TRAPPC9: variants seen among roughly 807,000 people sequenced by gnomAD.
TRAPPC9 encodes IKK2 binding protein.
TRAPPC9 carries 83 observed loss-of-function variants against 124.0 expected under a neutral mutation model. The observed-to-expected ratio is 0.67, with a 90% CI of 0.56 to 0.80. TRAPPC9 has a LOEUF of 0.80. TRAPPC9 is among the 30% of genes least tolerant of loss of function. TRAPPC9 has a pLI of 0.00. For missense variants in TRAPPC9, 1,302 were observed against 1,508.3 expected, an observed-to-expected ratio of 0.86 and a Z score of 2.27; for synonymous variants, 638 against 617.5, an observed-to-expected ratio of 1.03 and a Z score of -0.49.
At chr8:139,882,961 G>A (rs1333989313) in intron 21 of TRAPPC9, among the ~76,000 whole-genome samples, 1 of 152,180 alleles carries the variant, frequency 6.6e-6, no homozygotes, top group African/African-American at 2.4e-5. Flanking sequence ...ATGAAAAAAG[G>A]GTGCTACGGA....
At chr8:140,188,930 T>C (rs952745823) in intron 17 of TRAPPC9, among the ~76,000 whole-genome samples, 1 of 152,140 alleles carries the variant, frequency 6.6e-6, no homozygotes, top group Non-Finnish European at 1.5e-5. Context: ...GGCAGCCCTG[T>C]AACTTCCCAA....
At chr8:140,108,555 G>T (rs188881192) in intron 17 of TRAPPC9, among the ~76,000 whole-genome samples, 1 of 152,054 alleles carries the variant, frequency 6.6e-6, no homozygotes, top group Non-Finnish European at 1.5e-5. Context: ...CGACATCTAC[G>T]CCTACCCTCA....
At position 139,830,396 on chromosome 8, in the gene TRAPPC9, C is replaced by T. The variant is rs530964196; in HGVS notation, c.3055+55483G>A. 1.6e-4 allele frequency among the ~76,000 whole-genome samples: 24 copies of T among 151,956 alleles called. 1 individual carries two copies. The highest frequency in any genetic ancestry group is 1.1e-3 in the Admixed American group (17 of 15,278). On this transcript the variant is annotated intron_variant, in intron 21 of 22. Coordinates refer to ENST00000438773, the MANE Select transcript of TRAPPC9 (RefSeq NM_001160372.4). ...ACATACACACACATGCATACACATG[C>T]AAATGAGCATACACCTGCAAATGAG...
At chr8:140,330,225 A>G (rs2066861135) in intron 9 of TRAPPC9, among the ~76,000 whole-genome samples, 1 of 151,946 alleles carries the variant, frequency 6.6e-6, no homozygotes, top group Admixed American at 6.6e-5. Context: ...CATCTTACAG[A>G]GCAAGAGAAA....
At chr8:139,852,211 C>T (rs572806556) in intron 21 of TRAPPC9, among the ~76,000 whole-genome samples, 4 of 152,190 alleles carry the variant, frequency 2.6e-5, no homozygotes, top group East Asian at 1.9e-4. Flanking sequence ...TGAGGCCTCC[C>T]CAACCACGTG....
chr8:140,312,494 A>G (rs2066323476), intron 9 of TRAPPC9, among the ~76,000 whole-genome samples: 1 of 152,206 alleles, frequency 6.6e-6, no homozygotes, highest in Non-Finnish European at 1.5e-5. Flanking sequence ...GCGATAATAC[A>G]TTAAAAAAGC....
At chr8:139,814,745 G>GA in intron 21 of TRAPPC9, among the ~76,000 whole-genome samples, 1 of 152,304 alleles carries the variant, frequency 6.6e-6, no homozygotes, top group South Asian at 2.1e-4. Flanking sequence ...GAAAGGAAAG[G>GA]AAGAAAAACA....
chr8:140,418,404 CTACAG>C, intron 5 of TRAPPC9, among the ~76,000 whole-genome samples: 1 of 152,142 alleles, frequency 6.6e-6, no homozygotes, highest in Non-Finnish European at 1.5e-5. Context: ...CAAAAGAAAA[CTACAG>C]ATCCACATTT....
At chr8:139,810,105 A>ATTT (rs1275430679) in intron 21 of TRAPPC9, among the ~76,000 whole-genome samples, 1 of 152,258 alleles carries the variant, frequency 6.6e-6, no homozygotes, top group Non-Finnish European at 1.5e-5. Context: ...AGAGAGACAG[A>ATTT]CAGTGCCAGA....
chr8:140,243,909 G>A (rs2063919707), intron 16 of TRAPPC9, among the ~76,000 whole-genome samples: 1 of 152,240 alleles, frequency 6.6e-6, no homozygotes, highest in Non-Finnish European at 1.5e-5. Context: ...GCAGGAGGTG[G>A]GTGGCAGCCT....
intron 16 of TRAPPC9, among the ~76,000 whole-genome samples, chr8:140,244,932 G>C (rs1026146337): frequency 2.0e-5 from 3 of 148,810 alleles, no homozygotes; most frequent in Non-Finnish European, 4.4e-5. Flanking sequence ...TCAGCCTCCC[G>C]AGTACCTGGG....
Position 139,825,850 on chromosome 8 carries a change from C to T in TRAPPC9, c.3055+60029G>A, listed in dbSNP as rs1586928198. 6.6e-6 allele frequency among the ~76,000 whole-genome samples: 1 copy of T among 152,170 alleles called. No individual in the cohort carries two copies. The highest frequency in any genetic ancestry group is 1.5e-5 in the Non-Finnish European group (1 of 68,018). ...CAACGCCCAAGGATTTCCAGGGCTT[C>T]CTCACCCATGGGTTCCTGAATCAGA... is the stretch of plus-strand genomic sequence containing the variant. On this transcript the variant is annotated intron_variant, in intron 21 of 22. Coordinates refer to ENST00000438773, the MANE Select transcript of TRAPPC9 (RefSeq NM_001160372.4). The surrounding 1 kb of genome is among the most constrained non-coding windows in gnomAD (Gnocchi z 4.6).
rs1234280796 is a variant in TRAPPC9, at chr8:140,101,532, C to CTTTTTTTTTTTTTT, written c.2557-77454_2557-77453insAAAAAAAAAAAAAA. On this transcript the variant is annotated intron_variant, in intron 17 of 22. Transcript: ENST00000438773. Reference sequence around the variant, plus strand: ...ACTTGGGTTGGTTTTGTAGGGTTTTCTTTTTTTTGTTTTTTTTTTTTTTTT... The same window carrying CTTTTTTTTTTTTTT: ...ACTTGGGTTGGTTTTGTAGGGTTTTCTTTTTTTTTTTTTTTTTTTTTTGTTTTTTTTTTTTTTTT... 3.4e-4 allele frequency among the ~76,000 whole-genome samples: 27 copies of CTTTTTTTTTTTTTT among 78,716 alleles called. 6 individuals are homozygous for CTTTTTTTTTTTTTT. The highest frequency in any genetic ancestry group is 4.5e-4 in the African/African-American group (7 of 15,558). The allele number at this position is 78,716 out of a possible 152,430, so 51.6% of individuals were successfully genotyped here.
chr8:139,796,232 C>A (rs974467581), intron 21 of TRAPPC9, among the ~76,000 whole-genome samples: 6 of 152,174 alleles, frequency 3.9e-5, no homozygotes, highest in African/African-American at 1.4e-4. Context: ...GCGCTGTTCA[C>A]AAACATATTC....
rs2071685400 is a variant in TRAPPC9, at chr8:140,456,873, T to G, written c.-11+766A>C. On this transcript the variant is annotated intron_variant, in intron 1 of 22. Coordinates refer to ENST00000438773, the MANE Select transcript of TRAPPC9 (RefSeq NM_001160372.4). ...ACATTTGAAGACAGACAACGCATCC[T>G]AACACGGGAAAACTTTCGGTTAACA... The G allele has an allele frequency of 3.0e-6, 3 of 983,676 alleles. No homozygotes were observed. The South Asian group carries it at 1.4e-4, about 46-fold the overall frequency. 60.9% of individuals were successfully genotyped at this position (983,676 alleles called of 1,614,324 possible).
rs1423367421 is a variant in TRAPPC9, at chr8:139,961,900, G to A, written c.2810+26826C>T. Among the ~76,000 whole-genome samples the A allele has an allele frequency of 2.4e-5, 3 of 124,090 alleles. 1 individual carries two copies. The highest frequency in any genetic ancestry group is 7.7e-5 in the African/African-American group (3 of 39,166). The allele number at this position is 124,090 out of a possible 152,430, so 81.4% of individuals were successfully genotyped here. ...ATAGCCAGAGGACAAACAGGGCAGA[G>A]AGATGACGGGATGACCAGCTGCAGA... On this transcript the variant is annotated intron_variant, in intron 19 of 22. Coordinates refer to ENST00000438773, the MANE Select transcript of TRAPPC9 (RefSeq NM_001160372.4).
At chr8:139,819,957 A>G (rs1169237062) in intron 21 of TRAPPC9, among the ~76,000 whole-genome samples, 3 of 143,284 alleles carry the variant, frequency 2.1e-5, no homozygotes, top group African/African-American at 7.8e-5. Context: ...GCAGTGAGCC[A>G]AGATTGTGCC....
intron 9 of TRAPPC9, among the ~76,000 whole-genome samples, chr8:140,333,400 T>C (rs116472686): frequency 0.01 from 1,598 of 152,326 alleles, 22 homozygotes; most frequent in African/African-American, 0.035. Context: ...TTTTGTTTGT[T>C]GTTGTTGTTG....
rs941026172 is a variant in TRAPPC9 at position 139,727,974 on chromosome 8, G to A, written c.*3087C>T. On this transcript the variant is annotated 3_prime_UTR_variant, in exon 23 of 23. Coordinates refer to ENST00000438773, the MANE Select transcript of TRAPPC9 (RefSeq NM_001160372.4). ...ATGGAATTAAAAAGAACAGCAATGG[G>A]AAGGCTAGGAGAAGGGACCCAGTAT... Among the ~76,000 whole-genome samples the A allele has an allele frequency of 1.3e-5, 2 of 152,174 alleles. No individual in the cohort carries two copies. Among genetic ancestry groups the A allele is most frequent in the Non-Finnish European group, 2.9e-5 (2 of 68,032 alleles).
Sources: gnomAD v4.1 joint callset for allele counts (sites outside exome capture counted in the v4.1 genomes callset) on GRCh38, gnomAD v4.1.1 for gene constraint, Gnocchi (gnomAD v3.1) non-coding constraint, MANE v1.5 for transcripts, NCBI Gene and HGNC (gene_info 2026-07-23, HGNC 2026-07-21) for gene names.